Variants in BANK1 observed in about 807,000 individuals in gnomAD.
BANK1 encodes the protein B cell scaffold protein with ankyrin repeats 1, also known as B-cell scaffold protein with ankyrin repeats.
In BANK1, 95 loss-of-function variants were observed where a neutral mutation model predicts 94.5. That is an observed-to-expected ratio of 1.00 (90% confidence interval 0.85 to 1.19). BANK1 has a LOEUF of 1.19. BANK1 is among the 50% of genes most tolerant of loss of function. The pLI is 0.00. For synonymous variants in BANK1, 334 were observed against 308.4 expected, an observed-to-expected ratio of 1.08 and a Z score of -0.87; for missense variants, 987 against 932.2, an observed-to-expected ratio of 1.06 and a Z score of -0.77.
chr4:101,940,645 T>C (rs972948442), intron 7 of BANK1, among the ~76,000 whole-genome samples: 1 of 151,752 alleles, frequency 6.6e-6, no homozygotes, highest in African/African-American at 2.4e-5. Flanking sequence ...TGGTCAGATA[T>C]TTTGCAGAAC....
chr4:101,880,530 C>G (rs1365930440), intron 5 of BANK1, among the ~76,000 whole-genome samples: 1 of 151,920 alleles, frequency 6.6e-6, no homozygotes, highest in Non-Finnish European at 1.5e-5. Flanking sequence ...CAATGCAATC[C>G]TATCAAAATA....
At chr4:102,066,780 C>A (rs945538840) in intron 13 of BANK1, among the ~76,000 whole-genome samples, 1 of 152,028 alleles carries the variant, frequency 6.6e-6, no homozygotes, top group Admixed American at 6.5e-5. Context: ...TGAAATTATA[C>A]AAAGCAGGTA....
At chr4:102,033,662 C>T (rs1285229235) in intron 10 of BANK1, among the ~76,000 whole-genome samples, 1 of 152,132 alleles carries the variant, frequency 6.6e-6, no homozygotes, top group Admixed American at 6.5e-5. Context: ...TGGCACCCTT[C>T]AATATTTATA....
At chr4:101,842,320 C>T (rs1431493473) in intron 2 of BANK1, among the ~76,000 whole-genome samples, 1 of 152,190 alleles carries the variant, frequency 6.6e-6, no homozygotes, top group Non-Finnish European at 1.5e-5. Flanking sequence ...CACGATTGAT[C>T]AATTCCTTTA....
chr4:101,936,251 A>G (rs192322483), intron 7 of BANK1, among the ~76,000 whole-genome samples: 3,213 of 132,606 alleles, frequency 0.024, 60 homozygotes, highest in Non-Finnish European at 0.037. Context: ...TACATATATG[A>G]CACACATACA....
At chr4:102,024,827 C>G (rs1328056142) in intron 8 of BANK1, among the ~76,000 whole-genome samples, 1 of 151,924 alleles carries the variant, frequency 6.6e-6, no homozygotes, top group Non-Finnish European at 1.5e-5. Context: ...TGTCTTTTTT[C>G]TTTACGTTTT....
At chr4:101,819,946 A>G (rs1296199384) in intron 1 of BANK1, among the ~76,000 whole-genome samples, 1 of 152,150 alleles carries the variant, frequency 6.6e-6, no homozygotes, top group Non-Finnish European at 1.5e-5. Flanking sequence ...TAAGGAGGAG[A>G]AGAAGGAGAA....
chr4:101,918,683 T>C (rs1722908328), intron 7 of BANK1, among the ~76,000 whole-genome samples: 1 of 152,014 alleles, frequency 6.6e-6, no homozygotes, highest in Non-Finnish European at 1.5e-5. Flanking sequence ...CTCTGATGGC[T>C]CTTTGGAAAA....
At chr4:101,902,632 T>C (rs546330667) in intron 6 of BANK1, among the ~76,000 whole-genome samples, 1 of 152,388 alleles carries the variant, frequency 6.6e-6, no homozygotes, top group South Asian at 2.1e-4. Flanking sequence ...TTTATAATTG[T>C]CCATTTATAT....
chr4:101,993,262 G>A (rs1349974806), intron 7 of BANK1, among the ~76,000 whole-genome samples: 2 of 152,138 alleles, frequency 1.3e-5, no homozygotes, highest in African/African-American at 4.8e-5. Context: ...TAAAACAGCT[G>A]GAAAAAGTTG....
chr4:102,066,206 T>A (rs1053941395), intron 13 of BANK1, among the ~76,000 whole-genome samples: 12 of 151,356 alleles, frequency 7.9e-5, no homozygotes, highest in Admixed American at 3.9e-4. Context: ...GAAAAAAAAA[T>A]TCAATAATTT....
chr4:101,978,764 G>T (rs57795627), intron 7 of BANK1, among the ~76,000 whole-genome samples: 2 of 151,606 alleles, frequency 1.3e-5, no homozygotes, highest in Non-Finnish European at 2.9e-5. Context: ...ACAGATTTTT[G>T]CTTAAAATAT....
chr4:101,967,380 A>G (rs1724801868), intron 7 of BANK1, among the ~76,000 whole-genome samples: 2 of 152,026 alleles, frequency 1.3e-5, no homozygotes, highest in Admixed American at 1.3e-4. Context: ...TCCACATCAC[A>G]GTCTGTTCTG....
intron 11 of BANK1, among the ~76,000 whole-genome samples, chr4:102,045,421 GTGTTGGA>G (rs1168311843): frequency 2.2e-4 from 33 of 152,224 alleles, no homozygotes; most frequent in African/African-American, 7.9e-4. Flanking sequence ...ATTCAACATA[GTGTTGGA>G]AGTTCTGGCC....
intron 3 of BANK1, among the ~76,000 whole-genome samples, 198 bp downstream of exon 3, chr4:101,855,387 A>AT (rs1024443315): frequency 1.3e-5 from 2 of 152,112 alleles, no homozygotes; most frequent in South Asian, 2.1e-4. Context: ...CCCACCTGTT[A>AT]TTTTTTTAAT....
chr4:101,806,947 C>T (rs921036329), intron 1 of BANK1, among the ~76,000 whole-genome samples: 1 of 152,114 alleles, frequency 6.6e-6, no homozygotes, highest in Admixed American at 6.5e-5. Flanking sequence ...TACCCTAACC[C>T]AATATCAGAT....
intron 1 of BANK1, among the ~76,000 whole-genome samples, chr4:101,809,024 T>TCCC (rs1164426308): frequency 4.6e-5 from 7 of 152,106 alleles, no homozygotes; most frequent in Non-Finnish European, 8.8e-5. Context: ...AAGAAGTCAT[T>TCCC]ATATGAAAAA....
intron 1 of BANK1, among the ~76,000 whole-genome samples, chr4:101,811,989 A>G (rs1037484583): frequency 6.6e-6 from 1 of 152,038 alleles, no homozygotes; most frequent in African/African-American, 2.4e-5. Context: ...TAATCATTAA[A>G]TAACTATTAC....
At chr4:102,007,887 A>G (rs562449947) in intron 7 of BANK1, among the ~76,000 whole-genome samples, 2 of 152,272 alleles carry the variant, frequency 1.3e-5, no homozygotes, top group African/African-American at 4.8e-5. Context: ...CCATTATTCA[A>G]ACTCTGTAGA....
Sources: allele counts gnomAD v4.1 joint callset (sites outside exome capture counted in the v4.1 genomes callset), GRCh38; gene constraint gnomAD v4.1.1; transcripts MANE v1.5; gene names NCBI Gene and HGNC (gene_info 2026-07-23, HGNC 2026-07-21).